Variants in GRIK1 observed in about 807,000 individuals in gnomAD.
The protein encoded by GRIK1 is glutamate ionotropic receptor kainate type subunit 1, also known as glutamate receptor ionotropic, kainate 1.
A neutral mutation model predicts 105.7 loss-of-function variants in GRIK1; 69 were observed. That is an observed-to-expected ratio of 0.65 (90% CI 0.54 to 0.80). The LOEUF is 0.80. GRIK1 is among the 30% of genes least tolerant of loss of function. The probability of loss-of-function intolerance (pLI) is 0.00; values close to 1 mark genes in which losing one functional copy is unlikely to be tolerated. For synonymous variants in GRIK1, 438 were observed against 431.3 expected (o/e 1.02, Z -0.19); for missense variants, 1,109 against 1,167.3 (o/e 0.95, Z 0.73).
At chr21:29,769,458 G>T (rs1461305614) in intron 1 of GRIK1, among the ~76,000 whole-genome samples, 1 of 152,134 alleles carries the variant, frequency 6.6e-6, no homozygotes, top group Admixed American at 6.5e-5. Flanking sequence ...GTGGGAGCTG[G>T]TTTTGGGATG....
chr21:29,550,107 C>CAAAAAAAAAAA lies in GRIK1; in HGVS notation c.2607+4934_2607+4944dup, dbSNP rs34939329. 3.4e-4 allele frequency among the ~76,000 whole-genome samples: 18 copies of CAAAAAAAAAAA among 53,490 alleles called. 2 individuals are homozygous for CAAAAAAAAAAA. Among genetic ancestry groups the CAAAAAAAAAAA allele is most frequent in the African/African-American group, 1.4e-3 (17 of 11,752 alleles). The allele number at this position is 53,490 out of a possible 152,430, so 35.1% of individuals were successfully genotyped here. A position where few individuals can be genotyped will look rare whatever the true frequency, so the allele number is the denominator to read the frequency against. On this transcript the variant is annotated intron_variant, in intron 16 of 17. Coordinates refer to ENST00000327783, the MANE Select transcript of GRIK1 (RefSeq NM_001330994.2). ...TGGGCGACAGAGAAAGACTCCATCT[C>CAAAAAAAAAAA]AAAAAAAAAAAAAAAAAAAAAAAAA... is the stretch of plus-strand genomic sequence containing the variant.
chr21:29,746,866 A>G (rs1847357206), intron 1 of GRIK1, among the ~76,000 whole-genome samples: 2 of 152,334 alleles, frequency 1.3e-5, no homozygotes, highest in South Asian at 2.1e-4. Flanking sequence ...AAAAGAAAAC[A>G]TTTTTTCCCT....
chr21:29,751,889 G>C (rs1037119326), intron 1 of GRIK1, among the ~76,000 whole-genome samples: 4 of 152,198 alleles, frequency 2.6e-5, no homozygotes, highest in Non-Finnish European at 5.9e-5. Flanking sequence ...GACGCTAGCT[G>C]TCTTTCCTAC....
intron 16 of GRIK1, among the ~76,000 whole-genome samples, chr21:29,547,795 A>C (rs1274735382): frequency 6.6e-6 from 1 of 152,270 alleles, no homozygotes; most frequent in Non-Finnish European, 1.5e-5. Flanking sequence ...ACCTAATTAA[A>C]GAGACTTTTG....
chr21:29,869,088 A>G (rs2068923988), intron 1 of GRIK1, among the ~76,000 whole-genome samples: 1 of 152,240 alleles, frequency 6.6e-6, no homozygotes, highest in South Asian at 2.1e-4. Context: ...ATTGACGTTC[A>G]CTTGGGGAAA....
chr21:29,723,317 G>C (rs575057904), intron 1 of GRIK1, among the ~76,000 whole-genome samples: 5 of 152,104 alleles, frequency 3.3e-5, no homozygotes, highest in Non-Finnish European at 7.4e-5. Context: ...CATTATAAAG[G>C]CATCTGGAAT....
intron 1 of GRIK1, among the ~76,000 whole-genome samples, chr21:29,893,117 T>A (rs1173932337): frequency 6.6e-6 from 1 of 152,344 alleles, no homozygotes; most frequent in Non-Finnish European, 1.5e-5. Flanking sequence ...TTAAAGATTA[T>A]CTTGTCTAAC....
chr21:29,923,762 A>G (rs2071264874), intron 1 of GRIK1, among the ~76,000 whole-genome samples: 1 of 152,194 alleles, frequency 6.6e-6, no homozygotes, highest in African/African-American at 2.4e-5. Flanking sequence ...ACGTTTAGTT[A>G]TTTCCCTTCA....
chr21:29,732,656 A>G (rs191089207), intron 1 of GRIK1, among the ~76,000 whole-genome samples: 2 of 152,358 alleles, frequency 1.3e-5, no homozygotes, highest in Admixed American at 1.3e-4. Context: ...ATATATTTAA[A>G]TAAGGAAAAA....
intron 1 of GRIK1, among the ~76,000 whole-genome samples, chr21:29,886,773 G>A (rs796301506): frequency 2.6e-4 from 39 of 152,072 alleles, no homozygotes; most frequent in African/African-American, 7.0e-4. Flanking sequence ...GCCAAATATC[G>A]GAGTGCATCC....
chr21:29,704,492 C>T (rs780342890), intron 1 of GRIK1, among the ~76,000 whole-genome samples: 5 of 152,154 alleles, frequency 3.3e-5, no homozygotes, highest in Admixed American at 2.6e-4. Context: ...AAGATCAGGA[C>T]AGATGTTTAT....
At chr21:29,648,661 T>C (rs1305246074) in intron 6 of GRIK1, among the ~76,000 whole-genome samples, 1 of 152,152 alleles carries the variant, frequency 6.6e-6, no homozygotes, top group Non-Finnish European at 1.5e-5. Flanking sequence ...TCTATTCTTG[T>C]AGGGAAGGTA....
chr21:29,792,040 ATACT>A (rs755751682), intron 1 of GRIK1, among the ~76,000 whole-genome samples: 63 of 152,196 alleles, frequency 4.1e-4, no homozygotes, highest in African/African-American at 9.7e-4. Context: ...GTTTAATGAA[ATACT>A]TACCATATCA....
At chr21:29,570,298 C>G (rs894125693) in intron 14 of GRIK1, among the ~76,000 whole-genome samples, 1 of 151,912 alleles carries the variant, frequency 6.6e-6, no homozygotes, top group Middle Eastern at 3.2e-3. Context: ...GTCAGGAGTT[C>G]AAGACAAGCC....
intron 1 of GRIK1, among the ~76,000 whole-genome samples, chr21:29,827,569 T>C (rs1489660578): frequency 6.6e-6 from 1 of 152,072 alleles, no homozygotes; most frequent in East Asian, 1.9e-4. Flanking sequence ...GATTAACACA[T>C]GTCATAACTG....
At chr21:29,658,221 G>C (rs201311043) in intron 4 of GRIK1, among the ~76,000 whole-genome samples, 1 of 151,916 alleles carries the variant, frequency 6.6e-6, no homozygotes, top group East Asian at 1.9e-4. Context: ...CCTCCGAATT[G>C]CTTCCACTAA....
chr21:29,715,416 T>C (rs1297596370), intron 1 of GRIK1, among the ~76,000 whole-genome samples: 1 of 152,116 alleles, frequency 6.6e-6, no homozygotes, highest in Non-Finnish European at 1.5e-5. Context: ...GGCATTTACC[T>C]TGGATGTACA....
chr21:29,779,366 G>A (rs959456845), intron 1 of GRIK1, among the ~76,000 whole-genome samples: 17 of 149,668 alleles, frequency 1.1e-4, no homozygotes, highest in South Asian at 6.4e-4. Flanking sequence ...GTGTGTGCAC[G>A]TGTGTGTGTG....
At chr21:29,794,601 T>C (rs2145833007) in intron 1 of GRIK1, among the ~76,000 whole-genome samples, 1 of 152,352 alleles carries the variant, frequency 6.6e-6, no homozygotes, top group East Asian at 1.9e-4. Context: ...TGGGACCTGC[T>C]TTCTGAATAG....
Sources: gnomAD v4.1 joint callset for allele counts (sites outside exome capture counted in the v4.1 genomes callset) on GRCh38, gnomAD v4.1.1 for gene constraint, MANE v1.5 for transcripts, NCBI Gene and HGNC (gene_info 2026-07-23, HGNC 2026-07-21) for gene names.